GGA1: variants seen among roughly 807,000 people sequenced by gnomAD.
The protein encoded by GGA1 is ADP-ribosylation factor-binding protein GGA1.
Under a neutral mutation model 76.9 loss-of-function variants are expected in GGA1, and 18 were observed. The observed-to-expected ratio is 0.23, with a 90% confidence interval of 0.16 to 0.35. GGA1 has a LOEUF of 0.35. GGA1 is among the 10% of genes least tolerant of loss of function. The pLI, the probability that GGA1 is intolerant of heterozygous loss-of-function variation, is 1.00. For synonymous variants in GGA1, 342 were observed against 354.7 expected, an observed-to-expected ratio of 0.96 and a Z score of 0.40; for missense variants, 755 against 859.0, an observed-to-expected ratio of 0.88 and a Z score of 1.51.
chr22:37,617,028 C>T, intron 3 of GGA1, 31 bp downstream of exon 3: 1 of 1,578,160 alleles, frequency 6.3e-7, no homozygotes, highest in East Asian at 2.3e-5. Context: ...CATCCGTCCC[C>T]CGCCATGTGA....
At chr22:37,629,960 T>C (rs941047774) in intron 12 of GGA1, 38 bp from the exon 13 acceptor site, 1 of 1,436,278 alleles carries the variant, frequency 7.0e-7, no homozygotes, top group Non-Finnish European at 9.4e-7. Context: ...GACACCTCTC[T>C]AGACAGCCCC....
rs376089858 is a variant in GGA1, at chr22:37,632,592, C to T, written c.1810-9C>T. The T allele has an allele frequency of 6.2e-7, 1 of 1,606,524 alleles. No homozygotes were observed. Among genetic ancestry groups the T allele is most frequent in the Non-Finnish European group, 8.5e-7 (1 of 1,173,142 alleles). The stretch of plus-strand genomic sequence containing the variant: ...TCTGACCCCTCTGCCTTTGCCATCT[C>T]TTCCCCAGGAGAAGGTTCGCCTCCG... On this transcript the variant is annotated splice_polypyrimidine_tract_variant and intron_variant, in intron 16 of 16. Coordinates refer to ENST00000343632, the MANE Select transcript of GGA1 (RefSeq NM_013365.5). The surrounding 1 kb of genome is among the most constrained non-coding windows in gnomAD (Gnocchi z 5.1).
At chr22:37,629,822 C>T (rs1352311436) in intron 12 of GGA1, among the ~76,000 whole-genome samples, 176 bp from the exon 13 acceptor site, 1 of 152,190 alleles carries the variant, frequency 6.6e-6, no homozygotes, top group African/African-American at 2.4e-5. Context: ...GATTGTAGAA[C>T]CCCCAACCAG....
In GGA1 at chr22:37,624,064, C is replaced by T. The variant is rs1466828422; in HGVS notation, c.832+431C>T. On this transcript the variant is annotated intron_variant, in intron 9 of 16. Transcript: ENST00000343632. The surrounding 1 kb of genome is among the most constrained non-coding windows in gnomAD (Gnocchi z 4.3). ...AGCCCAGGCAGTTCCAGACCTGAGCCTGACGGCTTCTGCCAGGGCCACATA... is the reference window on the plus strand; with the variant it reads ...AGCCCAGGCAGTTCCAGACCTGAGCTTGACGGCTTCTGCCAGGGCCACATA... The T allele has an allele frequency of 1.1e-5, 2 of 179,510 alleles. No individual in the cohort carries two copies. Among genetic ancestry groups the T allele is most frequent in the African/African-American group, 4.7e-5 (2 of 42,366 alleles). The allele number at this position is 179,510 out of a possible 1,614,324, so 11.1% of individuals were successfully genotyped here. A position where few individuals can be genotyped will look rare whatever the true frequency, so the allele number is the denominator to read the frequency against.
chr22:37,628,030 G>A (rs575379875), intron 11 of GGA1, among the ~76,000 whole-genome samples: 2 of 152,336 alleles, frequency 1.3e-5, no homozygotes, highest in South Asian at 2.1e-4. Context: ...TTTCACCTGT[G>A]TTGGCCAGGC....
chr22:37,632,371 G>A lies in GGA1; in HGVS notation c.1699-34G>A, dbSNP rs574123481. ...TCCTCAGAGCAGGACAAGCAGCCAGGGCTAGCTGTGCCCATCCTGCCATCT... is the reference window on the plus strand; with the variant it reads ...TCCTCAGAGCAGGACAAGCAGCCAGAGCTAGCTGTGCCCATCCTGCCATCT... On this transcript the variant is annotated intron_variant, in intron 15 of 16. Transcript: ENST00000343632. This position sits in a 1 kb window ranked among gnomAD's most constrained non-coding sequence, Gnocchi z 5.1. The A allele has an allele frequency of 8.8e-6, 13 of 1,484,328 alleles. No individual in the cohort carries two copies. The highest frequency in any genetic ancestry group is 3.4e-4 in the Middle Eastern group (2 of 5,842). The allele number at this position is 1,484,328 out of a possible 1,614,324, so 91.9% of individuals were successfully genotyped here.
intron 1 of GGA1, among the ~76,000 whole-genome samples, chr22:37,611,062 G>C (rs896950359): frequency 6.6e-6 from 1 of 152,202 alleles, no homozygotes; most frequent in African/African-American, 2.4e-5. Flanking sequence ...GGGTCTTCTG[G>C]CTGGGTGTCA....
At chr22:37,620,030 A>G in intron 4 of GGA1, 1 of 633,416 alleles carries the variant, frequency 1.6e-6, no homozygotes, top group Non-Finnish European at 2.8e-6. Flanking sequence ...GTGGGGAAAC[A>G]GACACTGAGG....
intron 1 of GGA1, among the ~76,000 whole-genome samples, chr22:37,612,027 G>A (rs966104583): frequency 7.2e-5 from 11 of 151,870 alleles, no homozygotes; most frequent in African/African-American, 1.9e-4. Context: ...GGTGGTGGAC[G>A]CCTGTGATCC....
In GGA1 at chr22:37,621,605, T is replaced by C; in HGVS notation, c.529-11T>C. ...TGCTGCCCTCACGGTCACACCCCTC[T>C]GTCTCTGCAGATGCTGGCCCGCCTG... On this transcript the variant is annotated splice_polypyrimidine_tract_variant and intron_variant, in intron 6 of 16. Transcript: ENST00000343632. The C allele has an allele frequency of 1.3e-6, 2 of 1,545,122 alleles. No homozygotes were observed. The highest frequency in any genetic ancestry group is 1.8e-6 in the Non-Finnish European group (2 of 1,141,238).
At chr22:37,630,742 A>AT (rs1931653513) in intron 13 of GGA1, 161 bp from the exon 14 acceptor site, 1 of 589,212 alleles carries the variant, frequency 1.7e-6, no homozygotes, top group South Asian at 2.1e-5. Flanking sequence ...AGTTTTTTGT[A>AT]TTTTTTATAC....
chr22:37,623,628 C>G lies in GGA1; in HGVS notation c.827C>G (p.Ala276Gly). ...AGTGACACAGAGGACAATGATGAGG[C>G]CTTAGGTGAGCCCAGGGCAGGTGCT... The part of the protein sequence containing the change: ...LASDTEDNDE[A>G]LAEILQANDN... The change falls in exon 9 of 17, where the codon GCC (alanine) becomes GGC (glycine). Residue 276 changes from alanine (A) to glycine (G), a missense_variant. By Grantham distance (60) the Ala-to-Gly change is moderately conservative (BLOSUM62 0). Coordinates refer to ENST00000343632, the MANE Select transcript of GGA1 (RefSeq NM_013365.5). The surrounding 1 kb of genome is among the most constrained non-coding windows in gnomAD (Gnocchi z 4.6). 1.3e-6 allele frequency: 2 copies of G among 1,576,352 alleles called. No homozygotes were observed. The highest frequency in any genetic ancestry group is 1.9e-5 in the Admixed American group (1 of 53,384).
At position 37,630,144 on chromosome 22, in the gene GGA1, G is replaced by GC; in HGVS notation, c.1310dup (p.Glu438GlyfsTer24). 1 of 1,594,922 alleles carries GC rather than the reference G, an allele frequency of 6.3e-7. No homozygotes were observed. On this transcript the variant is annotated frameshift_variant, in exon 13 of 17. Transcript: ENST00000343632. LOFTEE classifies it high-confidence loss of function. Reference sequence around the variant, plus strand: ...GGAAGACCCTCCTGCAGCAGTCGCTGCCCCCGGAATCCCAGCAAGTGCGGT... The same window carrying GC: ...GGAAGACCCTCCTGCAGCAGTCGCTGCCCCCCGGAATCCCAGCAAGTGCGGT...
At chr22:37,631,140 C>T (rs1359230515) in intron 14 of GGA1, 41 bp downstream of exon 14, 2 of 1,432,958 alleles carry the variant, frequency 1.4e-6, no homozygotes, top group African/African-American at 2.9e-5. Flanking sequence ...GTTGGGTCAG[C>T]TTGCTGCCCT....
chr22:37,608,851 C>T lies in GGA1; in HGVS notation c.-10C>T, dbSNP rs1926890216. 7.6e-7 allele frequency: 1 copy of T among 1,307,696 alleles called. No individual in the cohort carries two copies. The highest frequency in any genetic ancestry group is 9.7e-7 in the Non-Finnish European group (1 of 1,029,878). 81.0% of individuals were successfully genotyped at this position (1,307,696 alleles called of 1,614,324 possible). A position where few individuals can be genotyped will look rare whatever the true frequency, so the allele number is the denominator to read the frequency against. ...GGGGGGGCGGTGCCGAGGCTGGGGG[C>T]CGGTGGCGGATGGAGCCCGCGATGG... On this transcript the variant is annotated 5_prime_UTR_variant, in exon 1 of 17. Transcript: ENST00000343632.
At chr22:37,619,825 C>G in intron 4 of GGA1, 1 of 777,910 alleles carries the variant, frequency 1.3e-6, no homozygotes. Flanking sequence ...GAGCCACTTT[C>G]CCCAGCCCAG....
intron 1 of GGA1, chr22:37,610,344 T>G (rs1302421115): frequency 2.0e-5 from 3 of 148,870 alleles, no homozygotes; most frequent in Non-Finnish European, 4.4e-5. Flanking sequence ...AAAGGATAGC[T>G]TCTTCTTTTT....
chr22:37,621,807 G>C (rs1032738990), intron 7 of GGA1, 111 bp downstream of exon 7: 27 of 672,154 alleles, frequency 4.0e-5, no homozygotes, highest in African/African-American at 3.6e-4. Flanking sequence ...CAGTGACCCG[G>C]GCTGGCACAG....
rs971150374 is a variant in GGA1 at position 37,615,678 on chromosome 22, C to T, written c.129-1244C>T. On this transcript the variant is annotated intron_variant, in intron 2 of 16. Coordinates refer to ENST00000343632, the MANE Select transcript of GGA1 (RefSeq NM_013365.5). Reference sequence around the variant, plus strand: ...ACTCGGGAGGCTGAGGCAGGAGAATCGCTTGAACCCGGGAGGCTGAGGTTG... The same window carrying T: ...ACTCGGGAGGCTGAGGCAGGAGAATTGCTTGAACCCGGGAGGCTGAGGTTG... 6.1e-5 allele frequency among the ~76,000 whole-genome samples: 9 copies of T among 148,304 alleles called. No homozygotes were observed. The South Asian group carries it at 6.6e-4, about 11-fold the overall frequency.
Sources: gnomAD v4.1 joint callset for allele counts (sites outside exome capture counted in the v4.1 genomes callset) on GRCh38, gnomAD v4.1.1 for gene constraint, Gnocchi (gnomAD v3.1) non-coding constraint, MANE v1.5 for transcripts, NCBI Gene and HGNC (gene_info 2026-07-23, HGNC 2026-07-21) for gene names.